The following UNKL variants were observed in gnomAD, a reference collection of about 807,000 sequenced individuals.
UNKL encodes the protein unk like zinc finger.
A neutral mutation model predicts 78.0 loss-of-function variants in UNKL; 60 were observed. The observed-to-expected ratio is 0.77, with a 90% confidence interval of 0.63 to 0.95. The LOEUF (loss-of-function observed/expected upper bound fraction) is 0.95. Ranked by LOEUF, UNKL falls within the 40% of genes least tolerant of loss-of-function variation. UNKL has a pLI of 0.00. For synonymous variants in UNKL, 608 were observed against 474.8 expected (o/e 1.28, Z -3.65); for missense variants, 1,159 against 1,045.7 (o/e 1.11, Z -1.49).
At chr16:1,369,372 C>G (rs1265192878) in intron 12 of UNKL, among the ~76,000 whole-genome samples, 7 of 149,752 alleles carry the variant, frequency 4.7e-5, no homozygotes, top group Admixed American at 1.3e-4. Flanking sequence ...GGGCCTTTTT[C>G]TCTTTTTTTT....
chr16:1,366,224 G>A lies in UNKL; in HGVS notation c.*16C>T. 6.6e-7 allele frequency: 1 copy of A among 1,508,904 alleles called. No homozygotes were observed. The highest frequency in any genetic ancestry group is 8.9e-7 in the Non-Finnish European group (1 of 1,121,734). 93.5% of individuals were successfully genotyped at this position (1,508,904 alleles called of 1,614,324 possible). A position where few individuals can be genotyped will look rare whatever the true frequency, so the allele number is the denominator to read the frequency against. On this transcript the variant is annotated 3_prime_UTR_variant, in exon 15 of 15. Transcript: ENST00000389221. ...GAGCCAGGGTGCCCAGCAGGAGGTG[G>A]CTGTCCCCGCTGAGGTCACCACTGC...
At chr16:1,371,082 C>CAAAAAAAAAAAAAAAAAAA (rs764163064) in intron 11 of UNKL, among the ~76,000 whole-genome samples, 10 of 67,972 alleles carry the variant, frequency 1.5e-4, no homozygotes, top group African/African-American at 3.9e-4. Context: ...GGCTCTGTCT[C>CAAAAAAAAAAAAAAAAAAA]AAAAAAAAAA....
chr16:1,401,620 C>T lies in UNKL; in HGVS notation c.546G>A (p.Leu182=), dbSNP rs1596752469. The T allele has an allele frequency of 6.2e-7, 1 of 1,610,036 alleles. No homozygotes were observed. Among genetic ancestry groups the T allele is most frequent in the South Asian group, 1.1e-5 (1 of 90,424 alleles). ...EGVPDLQPGV[L]ASQAMIEKIL... ...TCTTCTCAATCATGGCCTGGCTGGC[C>T]AAGACCCCAGGCTGCAGATCCGGGA... Residue 182 remains leucine (L), a synonymous_variant, in exon 4 of 15, where the codon TTG becomes TTA. Coordinates refer to ENST00000389221, the MANE Select transcript of UNKL (RefSeq NM_001372107.1).
chr16:1,374,606 C>T (rs865963726), intron 10 of UNKL, among the ~76,000 whole-genome samples: 28 of 152,256 alleles, frequency 1.8e-4, no homozygotes, highest in South Asian at 6.2e-4. Context: ...AGCAAAGAGG[C>T]GGTCACTGCC....
intron 2 of UNKL, among the ~76,000 whole-genome samples, chr16:1,409,049 T>C (rs1246409913): frequency 6.6e-6 from 1 of 151,926 alleles, no homozygotes; most frequent in African/African-American, 2.4e-5. Context: ...CCCAAGTAGC[T>C]GGGACTACAG....
intron 10 of UNKL, among the ~76,000 whole-genome samples, chr16:1,376,393 A>G (rs1283424872): frequency 1.2e-4 from 12 of 97,868 alleles, no homozygotes; most frequent in African/African-American, 3.3e-4. Context: ...GGGCTGGGGC[A>G]CTCCTCCTCC....
chr16:1,385,314 C>A lies in UNKL; in HGVS notation c.1158G>T (p.Leu386=). ...PSVSSSVASS[L]ASSAGSGSSS... ...AGCTGCCGGAGCCGGCGCTGGACGC[C>A]AGGCTGGACGCCACGCTGGAGCTCA... The change falls in exon 10 of 15, where the codon CTG becomes CTT. Residue 386 remains leucine, a synonymous_variant. Transcript: ENST00000389221. 1 of 1,408,252 alleles carries A rather than the reference C, an allele frequency of 7.1e-7. No homozygotes were observed. Among genetic ancestry groups the A allele is most frequent in the Non-Finnish European group, 9.2e-7 (1 of 1,086,078 alleles). The allele number at this position is 1,408,252 out of a possible 1,614,324, so 87.2% of individuals were successfully genotyped here.
In UNKL at chr16:1,367,776, G is replaced by T. The variant is rs1485123301; in HGVS notation, c.1668C>A (p.Gly556=). 14 of 1,572,832 alleles carry T rather than the reference G, an allele frequency of 8.9e-6. 1 individual carries two copies. Among genetic ancestry groups the T allele is most frequent in the South Asian group, 2.3e-5 (2 of 85,430 alleles). The change falls in exon 13 of 15, where the codon GGC becomes GGA. Residue 556 remains glycine (G), a synonymous_variant. Coordinates refer to ENST00000389221, the MANE Select transcript of UNKL (RefSeq NM_001372107.1). ...GACTTGCACTCGAAGAGGATGGGGG[G>T]CCGGCACTCAGGATGGGGGAGGGGC... ...SPSPSPILSA[G]PPSSSSASPN...
intron 10 of UNKL, among the ~76,000 whole-genome samples, chr16:1,372,765 C>T (rs1005510512): frequency 1.3e-5 from 2 of 152,184 alleles, no homozygotes; most frequent in African/African-American, 2.4e-5. Context: ...GGGCCGGCGC[C>T]GCCTCCCCAG....
chr16:1,396,918 C>G, intron 6 of UNKL: 1 of 504,420 alleles, frequency 2.0e-6, no homozygotes, highest in Admixed American at 3.6e-5. Context: ...CATTTTCTCT[C>G]TGCTTTTTTC....
At chr16:1,398,609 A>T in intron 5 of UNKL, 1 of 1,424,244 alleles carries the variant, frequency 7.0e-7, no homozygotes, top group East Asian at 2.6e-5. Flanking sequence ...TCAAAGGAAG[A>T]GCTGGACACA....
chr16:1,384,189 G>A (rs949498792), intron 10 of UNKL, among the ~76,000 whole-genome samples: 8 of 152,096 alleles, frequency 5.3e-5, no homozygotes, highest in African/African-American at 9.7e-5. Flanking sequence ...AGCCCTGCAC[G>A]GGTGTGGCCA....
chr16:1,398,189 C>A (rs2037360549), intron 5 of UNKL: 15 of 594,162 alleles, frequency 2.5e-5, no homozygotes, highest in Non-Finnish European at 3.2e-5. Context: ...AACTCCGCAC[C>A]AATTTCAAAT....
chr16:1,412,082 T>TA (rs1440734778), intron 2 of UNKL: 1 of 152,044 alleles, frequency 6.6e-6, no homozygotes, highest in Non-Finnish European at 1.5e-5. Context: ...GTCTCACCCC[T>TA]AGGCAGGAAT....
At chr16:1,385,164 C>T (rs2036759756) in intron 10 of UNKL, 44 bp downstream of exon 10, 2 of 1,230,480 alleles carry the variant, frequency 1.6e-6, no homozygotes, top group Non-Finnish European at 2.0e-6. Flanking sequence ...ACAGCATGAA[C>T]ACAGAAGGAG....
At chr16:1,368,143 C>G (rs2035463437) in intron 12 of UNKL, 4 of 481,522 alleles carry the variant, frequency 8.3e-6, no homozygotes, top group Non-Finnish European at 7.5e-6. Flanking sequence ...AATTCAAGTT[C>G]CTGGGACCAC....
At position 1,367,761 on chromosome 16, in the gene UNKL, CGAA is replaced by C; in HGVS notation, c.1680_1682del (p.Ser562del). On this transcript the variant is annotated inframe_deletion, in exon 13 of 15. Transcript: ENST00000389221. Reference sequence around the variant, plus strand: ...GCTCAGCTCCGTTTGGACTTGCACTCGAAGAGGATGGGGGGCCGGCACTCAGGA... The same window carrying C: ...GCTCAGCTCCGTTTGGACTTGCACTCGAGGATGGGGGGCCGGCACTCAGGA... The C allele has an allele frequency of 6.4e-7, 1 of 1,573,974 alleles. No individual in the cohort carries two copies. The highest frequency in any genetic ancestry group is 8.6e-7 in the Non-Finnish European group (1 of 1,160,438).
chr16:1,370,018 C>CCA, intron 12 of UNKL, 112 bp downstream of exon 12: 1 of 1,551,218 alleles, frequency 6.4e-7, no homozygotes, highest in Non-Finnish European at 8.7e-7. Flanking sequence ...TGGTTTGCCA[C>CCA]CACAGATAGG....
Position 1,363,316 on chromosome 16 carries a change from A to C in UNKL, c.*2924T>G. On this transcript the variant is annotated 3_prime_UTR_variant, in exon 15 of 15. Coordinates refer to ENST00000389221, the MANE Select transcript of UNKL (RefSeq NM_001372107.1). ...AAAAATTTAAACAAGTGTTAACTTT[A>C]AACAGTTCGCTACAAGTAAATGATT... The C allele has an allele frequency of 3.6e-6, 2 of 558,798 alleles. No individual in the cohort carries two copies. Among genetic ancestry groups the C allele is most frequent in the Non-Finnish European group, 6.4e-6 (2 of 311,492 alleles). The allele number at this position is 558,798 out of a possible 1,614,324, so 34.6% of individuals were successfully genotyped here.
Sources: gnomAD v4.1 joint callset for allele counts (sites outside exome capture counted in the v4.1 genomes callset) on GRCh38, gnomAD v4.1.1 for gene constraint, MANE v1.5 for transcripts, NCBI Gene and HGNC (gene_info 2026-07-23, HGNC 2026-07-21) for gene names.